Variants in KATNB1 observed in about 807,000 individuals in gnomAD.
The protein encoded by KATNB1 is katanin regulatory subunit B1, also known as katanin p80 WD40 repeat-containing subunit B1.
KATNB1 carries 38 observed loss-of-function variants against 82.3 expected under a neutral mutation model. The observed-to-expected ratio is 0.46, with a 90% CI of 0.36 to 0.61. The LOEUF (loss-of-function observed/expected upper bound fraction) is 0.61, where lower values mean the gene tolerates loss of function less well. Among genes scored for constraint, KATNB1 ranks in the 20% least tolerant of loss-of-function variants. The pLI is 0.00. For missense variants in KATNB1, 749 were observed against 915.7 expected (o/e 0.82, Z 2.35); for synonymous variants, 361 against 368.7 (o/e 0.98, Z 0.24).
intron 1 of KATNB1, 126 bp from the exon 2 acceptor site, chr16:57,736,852 G>C (rs1279808749): frequency 9.0e-6 from 4 of 442,048 alleles, no homozygotes; most frequent in African/African-American, 7.9e-5. Context: ...CTAATTTGCA[G>C]TGCAGCTTCT....
intron 16 of KATNB1, 66 bp downstream of exon 16, chr16:57,755,560 C>T (rs77524524): frequency 6.4e-7 from 1 of 1,572,704 alleles, no homozygotes; most frequent in African/African-American, 1.3e-5. Flanking sequence ...CCTGCCCGGG[C>T]TTGGGGCAGA....
intron 3 of KATNB1, among the ~76,000 whole-genome samples, chr16:57,743,836 A>G (rs2049161631): frequency 6.6e-6 from 1 of 152,248 alleles, no homozygotes; most frequent in African/African-American, 2.4e-5. Context: ...TCCAAAAGAT[A>G]GAGGATCCAC....
At chr16:57,745,811 G>A (rs1248630274) in intron 4 of KATNB1, among the ~76,000 whole-genome samples, 2 of 149,934 alleles carry the variant, frequency 1.3e-5, no homozygotes, top group African/African-American at 4.9e-5. Flanking sequence ...TTTTTAATCT[G>A]TGTGTTTTCT....
chr16:57,753,056 C>T lies in KATNB1; in HGVS notation c.856-21C>T, dbSNP rs552196106. The T allele has an allele frequency of 4.1e-5, 66 of 1,593,368 alleles. No individual in the cohort carries two copies. In the Admixed American group the frequency reaches 8.1e-4, roughly 20 times the overall value. On this transcript the variant is annotated intron_variant, in intron 10 of 19. Transcript: ENST00000379661. The stretch of plus-strand genomic sequence containing the variant: ...GCCCCCTCGGCTTGCAGTCCCAGCC[C>T]CACCTCTCCGCTTTCTGCAGATAGG...
chr16:57,755,309 C>T, intron 15 of KATNB1, 36 bp from the exon 16 acceptor site: 3 of 1,611,406 alleles, frequency 1.9e-6, no homozygotes, highest in Non-Finnish European at 2.5e-6. Flanking sequence ...CTGCTGGCTC[C>T]TCCCATGCCA....
At chr16:57,736,662 G>A (rs745592361) in intron 1 of KATNB1, 29 of 215,818 alleles carry the variant, frequency 1.3e-4, no homozygotes, top group Admixed American at 2.0e-4. Context: ...ACGACTCGCA[G>A]GAAATCTATG....
intron 4 of KATNB1, among the ~76,000 whole-genome samples, chr16:57,744,954 G>C (rs1675694065): frequency 6.6e-6 from 1 of 152,228 alleles, no homozygotes; most frequent in African/African-American, 2.4e-5. Context: ...GGTGCCATTA[G>C]AGGCAGCCTG....
intron 12 of KATNB1, 51 bp from the exon 13 acceptor site, chr16:57,753,894 C>G (rs1199462373): frequency 1.3e-6 from 2 of 1,591,120 alleles, no homozygotes; most frequent in Non-Finnish European, 1.7e-6. Context: ...CCCTGGGTCC[C>G]AGGTGGCCTG....
In KATNB1 at chr16:57,750,990, G is replaced by A. The variant is rs1254155039; in HGVS notation, c.390+63G>A. 1.8e-5 allele frequency: 24 copies of A among 1,350,026 alleles called. 1 individual carries two copies. The Admixed American group carries it at 3.9e-4, about 22-fold the overall frequency. The allele number at this position is 1,350,026 out of a possible 1,614,324, so 83.6% of individuals were successfully genotyped here. A position where few individuals can be genotyped will look rare whatever the true frequency, so the allele number is the denominator to read the frequency against. On this transcript the variant is annotated intron_variant, in intron 5 of 19. Coordinates refer to ENST00000379661, the MANE Select transcript of KATNB1 (RefSeq NM_005886.3). ...CCTGTGGCAGGACCAGCCCGGCCCG[G>A]CCCTCAGTGCTGGATGCCTGCTGAG...
intron 4 of KATNB1, among the ~76,000 whole-genome samples, chr16:57,747,036 C>T (rs1179541015): frequency 6.6e-6 from 1 of 150,970 alleles, no homozygotes; most frequent in Non-Finnish European, 1.5e-5. Context: ...CACGGACCAC[C>T]ATGTCCCGCT....
rs782659039 is a variant in KATNB1, at chr16:57,753,212, G to A, written c.991G>A (p.Ala331Thr). 73 of 1,607,418 alleles carry A rather than the reference G, an allele frequency of 4.5e-5. No homozygotes were observed. The highest frequency in any genetic ancestry group is 3.3e-4 in the Middle Eastern group (2 of 6,078). ...PLAQPLPNPS[A>T]PLRRIYERPS... is the part of the protein sequence containing the mutation. ...GGCACAGCCACTGCCCAACCCCAGC[G>A]CCCCCCTCCGGCGCATCTATGAGCG... Residue 331 changes from alanine (A) to threonine (T), a missense_variant, in exon 11 of 20, where the codon GCC becomes ACC. Physicochemically the swap from Ala to Thr is moderately conservative, Grantham distance 58. This residue lies in a region of KATNB1 where 407 missense variants were observed against 434.7 expected (regional missense o/e 0.94). Coordinates refer to ENST00000379661, the MANE Select transcript of KATNB1 (RefSeq NM_005886.3).
chr16:57,755,633 G>A, intron 16 of KATNB1, 139 bp downstream of exon 16: 1 of 1,176,782 alleles, frequency 8.5e-7, no homozygotes, highest in Non-Finnish European at 1.2e-6. Context: ...CACACCATCT[G>A]TTTCCGCCAT....
intron 3 of KATNB1, 67 bp downstream of exon 3, chr16:57,741,884 A>G (rs2148789503): frequency 1.3e-6 from 2 of 1,525,958 alleles, no homozygotes; most frequent in Middle Eastern, 1.9e-4. Context: ...CAGGGGTTGG[A>G]GGCTGAAGAG....
intron 2 of KATNB1, among the ~76,000 whole-genome samples, chr16:57,737,828 G>A (rs948445199): frequency 6.6e-6 from 1 of 152,166 alleles, no homozygotes; most frequent in African/African-American, 2.4e-5. Flanking sequence ...TTCATCTGAA[G>A]ACTTCATACT....
At chr16:57,747,042 C>G (rs190380931) in intron 4 of KATNB1, among the ~76,000 whole-genome samples, 1 of 149,864 alleles carries the variant, frequency 6.7e-6, no homozygotes, top group Non-Finnish European at 1.5e-5. Flanking sequence ...CCACCATGTC[C>G]CGCTAATTTT....
rs2049297431 is a variant in KATNB1, at chr16:57,756,960, C to T, written c.*14C>T. ...AGTCTGGACTGAGGAAAGCAGTGGG[C>T]AGGGGCGCTCGGCAGCCCACAGGGC... is the stretch of plus-strand genomic sequence containing the variant. On this transcript the variant is annotated 3_prime_UTR_variant, in exon 20 of 20. Transcript: ENST00000379661. 4 of 1,504,866 alleles carry T rather than the reference C, an allele frequency of 2.7e-6. No homozygotes were observed. Among genetic ancestry groups the T allele is most frequent in the Admixed American group, 2.2e-5 (1 of 45,274 alleles). 93.2% of individuals were successfully genotyped at this position (1,504,866 alleles called of 1,614,324 possible).
chr16:57,746,634 T>C (rs1555581502), intron 4 of KATNB1, among the ~76,000 whole-genome samples: 1 of 151,984 alleles, frequency 6.6e-6, no homozygotes, highest in Non-Finnish European at 1.5e-5. Flanking sequence ...TCATGTGCCT[T>C]GGTGCCTTAG....
intron 3 of KATNB1, 79 bp downstream of exon 3, chr16:57,741,896 GAGCAGCTTCTC>G: frequency 6.7e-7 from 1 of 1,484,786 alleles, no homozygotes; most frequent in Non-Finnish European, 9.1e-7. Context: ...GCTGAAGAGT[GAGCAGCTTCTC>G]AGACTCTCTT....
At chr16:57,743,354 A>C (rs551923311) in intron 3 of KATNB1, among the ~76,000 whole-genome samples, 1 of 152,336 alleles carries the variant, frequency 6.6e-6, no homozygotes, top group African/African-American at 2.4e-5. Context: ...TAATCACCTC[A>C]GTGTTTTTCT....
Sources: allele counts gnomAD v4.1 joint callset (sites outside exome capture counted in the v4.1 genomes callset), GRCh38; gene constraint gnomAD v4.1.1; regional missense constraint gnomAD v4.1.1; transcripts MANE v1.5; gene names NCBI Gene and HGNC (gene_info 2026-07-23, HGNC 2026-07-21).